ARHGAP39: variants seen among roughly 807,000 people sequenced by gnomAD.
The protein encoded by ARHGAP39 is Rho GTPase activating protein 39, also known as rho GTPase-activating protein 39.
In ARHGAP39, 44 loss-of-function variants were observed where a neutral mutation model predicts 106.9. That is an observed-to-expected ratio of 0.41 (90% confidence interval 0.32 to 0.53). The LOEUF is 0.53. Ranked by LOEUF, ARHGAP39 falls within the 20% of genes least tolerant of loss-of-function variation. ARHGAP39 has a pLI of 0.21. For synonymous variants in ARHGAP39, 768 were observed against 693.2 expected (o/e 1.11, Z -1.69); for missense variants, 1,496 against 1,577.3 (o/e 0.95, Z 0.87).
chr8:144,570,639 T>C (rs1818554176), intron 3 of ARHGAP39, among the ~76,000 whole-genome samples: 1 of 152,140 alleles, frequency 6.6e-6, no homozygotes, highest in African/African-American at 2.4e-5. Context: ...AATGAACAAA[T>C]TCTGCTATTC....
intron 6 of ARHGAP39, among the ~76,000 whole-genome samples, chr8:144,542,384 C>CGAT (rs141729016): frequency 0.01 from 1,593 of 152,284 alleles, 32 homozygotes; most frequent in African/African-American, 0.037. Context: ...AGGTGCTGGC[C>CGAT]GATGAGTCAA....
chr8:144,661,614 G>A (rs1406693100), intron 1 of ARHGAP39, among the ~76,000 whole-genome samples: 1 of 152,110 alleles, frequency 6.6e-6, no homozygotes, highest in Non-Finnish European at 1.5e-5. Context: ...TCGAACTCCT[G>A]CCCTCAACTG....
chr8:144,556,313 C>T (rs556645581), intron 3 of ARHGAP39, among the ~76,000 whole-genome samples: 4 of 151,164 alleles, frequency 2.6e-5, no homozygotes, highest in Non-Finnish European at 5.9e-5. Context: ...AAAGAAATAC[C>T]CTTGGAGACT....
intron 1 of ARHGAP39, among the ~76,000 whole-genome samples, chr8:144,621,279 T>C (rs944918162): frequency 2.6e-5 from 4 of 152,278 alleles, no homozygotes; most frequent in African/African-American, 9.6e-5. Flanking sequence ...TGATGAGGGC[T>C]CTGGGCTCTA....
intron 5 of ARHGAP39, among the ~76,000 whole-genome samples, chr8:144,546,139 C>T (rs973514624): frequency 5.3e-5 from 8 of 152,164 alleles, no homozygotes; most frequent in Non-Finnish European, 1.5e-5. Context: ...CTCATTCTGC[C>T]GCCCCCTGAG....
chr8:144,658,566 C>T (rs143656129), intron 1 of ARHGAP39, among the ~76,000 whole-genome samples: 338 of 152,272 alleles, frequency 2.2e-3, no homozygotes, highest in African/African-American at 7.6e-3. Flanking sequence ...TGAGCTACTG[C>T]GCCTGGCCAC....
rs763275589 is a variant in ARHGAP39, at chr8:144,646,100, C to A, written c.-82+39586G>T. On this transcript the variant is annotated intron_variant, in intron 1 of 11. Transcript: ENST00000377307. The surrounding 1 kb of genome is among the most constrained non-coding windows in gnomAD (Gnocchi z 5.7). Reference sequence around the variant, plus strand: ...AGCTGCACTGGTCACCCCTCCCCACCGGTGGCACCAAATGTCCGCCAGCAA... The same window carrying A: ...AGCTGCACTGGTCACCCCTCCCCACAGGTGGCACCAAATGTCCGCCAGCAA... 1.1e-4 allele frequency among the ~76,000 whole-genome samples: 17 copies of A among 152,232 alleles called. No individual in the cohort carries two copies. Among genetic ancestry groups the A allele is most frequent in the Non-Finnish European group, 2.4e-4 (16 of 68,046 alleles).
At chr8:144,531,018 C>G in intron 10 of ARHGAP39, 147 bp from the exon 11 acceptor site, 4 of 1,115,102 alleles carry the variant, frequency 3.6e-6, no homozygotes, top group Non-Finnish European at 5.0e-6. Context: ...TCTGGCCAGG[C>G]TGGGCCCTGA....
chr8:144,597,255 C>T (rs1019019310), intron 2 of ARHGAP39, among the ~76,000 whole-genome samples: 7 of 152,142 alleles, frequency 4.6e-5, no homozygotes, highest in Middle Eastern at 3.2e-3. Flanking sequence ...CAGCTCCACC[C>T]GATGCAGCAA....
Position 144,548,264 on chromosome 8 carries a change from G to T in ARHGAP39, c.822C>A (p.Pro274=), listed in dbSNP as rs200414500. Residue 274 remains proline, a synonymous_variant, in exon 5 of 12, where the codon CCC becomes CCA. Coordinates refer to ENST00000377307, the MANE Select transcript of ARHGAP39 (RefSeq NM_025251.3). The surrounding 1 kb of genome is among the most constrained non-coding windows in gnomAD (Gnocchi z 7.4). ...TIFFPERRPS[P]FLKRAELPGS... is the part of the protein sequence containing the mutation. ...CTGGGAGCTCGGCCCTCTTCAGGAA[G>T]GGTGACGGCCTCCTCTCTGGGAAGA... 1 of 1,608,782 alleles carries T rather than the reference G, an allele frequency of 6.2e-7. No homozygotes were observed. Among genetic ancestry groups the T allele is most frequent in the Non-Finnish European group, 8.5e-7 (1 of 1,177,820 alleles).
At chr8:144,564,556 A>G (rs999592828) in intron 3 of ARHGAP39, among the ~76,000 whole-genome samples, 13 of 152,252 alleles carry the variant, frequency 8.5e-5, no homozygotes, top group Non-Finnish European at 1.8e-4. Flanking sequence ...AGACATTAAC[A>G]GTTACTAAAG....
intron 1 of ARHGAP39, among the ~76,000 whole-genome samples, chr8:144,660,877 G>A (rs920528482): frequency 2.6e-5 from 4 of 152,056 alleles, no homozygotes; most frequent in Admixed American, 6.5e-5. Context: ...CCAGCTACTC[G>A]GGACGCTGAG....
the ARHGAP39 span, among the ~76,000 whole-genome samples, chr8:144,691,080 G>A: frequency 0.02 from 3,014 of 152,220 alleles, 92 homozygotes; most frequent in African/African-American, 0.069. Context: ...CTTCTTTCTT[G>A]GCAGCTCTTC....
In ARHGAP39 at chr8:144,679,526, G is replaced by A. The variant is rs1822335112; in HGVS notation, c.-82+6160C>T. 6.6e-6 allele frequency among the ~76,000 whole-genome samples: 1 copy of A among 152,218 alleles called. No homozygotes were observed. Among genetic ancestry groups the A allele is most frequent in the East Asian group, 1.9e-4 (1 of 5,200 alleles). ...GCGCTGCAGTGCTGGGGTTGCTACT[G>A]CAACTCGCTCTGGAGAAAGCTGTCC... On this transcript the variant is annotated intron_variant, in intron 1 of 11. Coordinates refer to ENST00000377307, the MANE Select transcript of ARHGAP39 (RefSeq NM_025251.3). The surrounding 1 kb of genome is among the most constrained non-coding windows in gnomAD (Gnocchi z 4.7).
At position 144,529,290 on chromosome 8, in the gene ARHGAP39, G is replaced by A. The variant is rs1432410545; in HGVS notation, c.*1132C>T. The A allele has an allele frequency of 1.3e-4, 26 of 196,656 alleles. No homozygotes were observed. The highest frequency in any genetic ancestry group is 4.9e-4 in the Admixed American group (8 of 16,456). 12.2% of individuals were successfully genotyped at this position (196,656 alleles called of 1,614,324 possible). ...AAGGCCCCGGGACCACCCGACTGAG[G>A]ACGCCGCCCAGGCCTCGGCAGGGCT... On this transcript the variant is annotated 3_prime_UTR_variant, in exon 12 of 12. Transcript: ENST00000377307.
chr8:144,652,198 G>A (rs746872630), intron 1 of ARHGAP39, among the ~76,000 whole-genome samples: 73 of 152,054 alleles, frequency 4.8e-4, no homozygotes, highest in Middle Eastern at 6.8e-3. Flanking sequence ...CAGCCTGGGC[G>A]ACAGTGCAAG....
At chr8:144,629,353 C>CA (rs1405457054) in intron 1 of ARHGAP39, among the ~76,000 whole-genome samples, 3 of 152,342 alleles carry the variant, frequency 2.0e-5, no homozygotes, top group East Asian at 3.9e-4. Flanking sequence ...GTGAGACCTC[C>CA]AGGGCTCCAA....
At chr8:144,542,790 C>T (rs1229299217) in intron 6 of ARHGAP39, among the ~76,000 whole-genome samples, 1 of 151,850 alleles carries the variant, frequency 6.6e-6, no homozygotes, top group Non-Finnish European at 1.5e-5. Context: ...AATACAAAAA[C>T]TAGCTGGGTA....
chr8:144,532,547 C>T (rs977858557), intron 9 of ARHGAP39, 151 bp from the exon 10 acceptor site: 13 of 658,528 alleles, frequency 2.0e-5, no homozygotes, highest in African/African-American at 9.0e-5. Context: ...CTCTTTCCCA[C>T]GAACGTGGGT....
Sources: allele counts gnomAD v4.1 joint callset (sites outside exome capture counted in the v4.1 genomes callset), GRCh38; gene constraint gnomAD v4.1.1; non-coding constraint Gnocchi (gnomAD v3.1); transcripts MANE v1.5; gene names NCBI Gene and HGNC (gene_info 2026-07-23, HGNC 2026-07-21).